The following ZNF534 variants were observed in gnomAD, a reference collection of about 807,000 sequenced individuals.
The protein encoded by ZNF534 is KRAB domain only 3.
Under a neutral mutation model 13.6 loss-of-function variants are expected in ZNF534, and 19 were observed. That is an observed-to-expected ratio of 1.40 (90% CI 0.97 to 2.05). The LOEUF (loss-of-function observed/expected upper bound fraction) is 2.05, where lower values mean the gene tolerates loss of function less well. Among genes scored for constraint, ZNF534 ranks in the 30% most tolerant of loss-of-function variants. ZNF534 has a pLI of 0.00. For synonymous variants in ZNF534, 244 were observed against 273.8 expected, an observed-to-expected ratio of 0.89 and a Z score of 1.07; for missense variants, 782 against 796.3, an observed-to-expected ratio of 0.98 and a Z score of 0.22.
chr19:52,436,228 G>A (rs879824734), intron 4 of ZNF534, among the ~76,000 whole-genome samples: 1 of 152,016 alleles, frequency 6.6e-6, no homozygotes. Flanking sequence ...ATGAGTCACC[G>A]TGCCCGGCCC....
In ZNF534 at chr19:52,437,789, G is replaced by A. The variant is rs776877897; in HGVS notation, c.329G>A (p.Gly110Glu). 4.3e-6 allele frequency: 7 copies of A among 1,609,620 alleles called. No individual in the cohort carries two copies. The highest frequency in any genetic ancestry group is 5.9e-6 in the Non-Finnish European group (7 of 1,177,434). The change falls in exon 5 of 5, where the codon GGA (glycine) becomes GAA (glutamate). Residue 110 changes from glycine to glutamate, a missense_variant. Gly to Glu is a moderately conservative substitution (Grantham distance 98, BLOSUM62 -2). This residue lies in a region of ZNF534 where 591 missense variants were observed against 574.0 expected (regional missense o/e 1.03). Coordinates refer to ENST00000433050, the MANE Select transcript of ZNF534 (RefSeq NM_001143938.3). ...AGNKSLKNQH[G>E]LTLQLHLTEW... ...AACAAGTCACTTAAAAATCAACATG[G>A]ATTAACTCTTCAGTTACATCTGACT...
rs762406765 is a variant in ZNF534, at chr19:52,438,468, G to C, written c.1008G>C (p.Arg336Ser). The change falls in exon 5 of 5, where the codon AGG becomes AGC. Residue 336 changes from arginine (R) to serine (S), a missense_variant. Transcript: ENST00000433050. ...YDCKECGKVF[R>S]HKSSLTTHQT... The stretch of plus-strand genomic sequence containing the variant: ...GTAAGGAATGTGGCAAGGTCTTCAG[G>C]CATAAGTCTTCCCTAACCACTCATC... 3 of 1,599,716 alleles carry C rather than the reference G, an allele frequency of 1.9e-6. No homozygotes were observed. In the African/African-American group the frequency reaches 4.0e-5, roughly 22 times the overall value.
exon 5 of ZNF534, chr19:52,451,722 CTT>C: frequency 5.9e-6 from 4 of 681,676 alleles, no homozygotes; most frequent in Non-Finnish European, 1.1e-5. Context: ...CTGCAAAACA[CTT>C]TGTTGATGTA....
At chr19:52,437,395 G>C (rs955656563) in intron 4 of ZNF534, among the ~76,000 whole-genome samples, 1 of 152,100 alleles carries the variant, frequency 6.6e-6, no homozygotes, top group African/African-American at 2.4e-5. Context: ...GAGGCAGGTG[G>C]ATCACAAGGT....
rs1380108751 is a variant in ZNF534 at position 52,439,114 on chromosome 19, T to C, written c.1654T>C (p.Cys552Arg). The C allele has an allele frequency of 1.9e-6, 3 of 1,595,516 alleles. No homozygotes were observed. The highest frequency in any genetic ancestry group is 2.2e-5 in the South Asian group (2 of 89,376). Residue 552 changes from cysteine (C) to arginine (R), a missense_variant, in exon 5 of 5, where the codon TGT (cysteine) becomes CGT (arginine). Around this residue, in one of 5 missense-constraint regions of ZNF534, gnomAD observed 591 missense variants for 574.0 expected, o/e 1.03. Transcript: ENST00000433050. ...NVHTGEKPYS[C>R]NECGKVFSRN... ...TCATACTGGAGAAAAGCCTTACAGT[T>C]GTAATGAATGTGGCAAGGTCTTCAG...
chr19:52,438,554 GA>G lies in ZNF534; in HGVS notation c.1096del (p.Ile366LeufsTer65). 1 of 1,579,246 alleles carries G rather than the reference GA, an allele frequency of 6.3e-7. No homozygotes were observed. Among genetic ancestry groups the G allele is most frequent in the Non-Finnish European group, 8.6e-7 (1 of 1,162,184 alleles). On this transcript the variant is annotated frameshift_variant, in exon 5 of 5. Transcript: ENST00000433050. LOFTEE classifies it low-confidence loss of function (END_TRUNC). ...KCNECGKGFS[R>X]IAFLARHRKV... ...AATGAATGTGGCAAGGGGTTTAGTC[GA>G]ATTGCATTCCTTGCAAGGCATCGGA...
In ZNF534 at chr19:52,439,587, CAAAAAAAAAA is replaced by C. The variant is rs75248649; in HGVS notation, c.*154_*163del. 2.6e-3 allele frequency: 1,293 copies of C among 496,876 alleles called. No homozygotes were observed. Among genetic ancestry groups the C allele is most frequent in the South Asian group, 4.4e-3 (100 of 22,848 alleles). 30.8% of individuals were successfully genotyped at this position (496,876 alleles called of 1,614,324 possible). A position where few individuals can be genotyped will look rare whatever the true frequency, so the allele number is the denominator to read the frequency against. On this transcript the variant is annotated 3_prime_UTR_variant, in exon 5 of 5. Coordinates refer to ENST00000433050, the MANE Select transcript of ZNF534 (RefSeq NM_001143938.3). ...TGAAACCCCATCTCTACTAAAAATA[CAAAAAAAAAA>C]AAAAAAAAAAAATTAGCTGGGTGTG... is the stretch of plus-strand genomic sequence containing the variant.
chr19:52,434,730 C>CAAAAA (rs772851558), intron 3 of ZNF534, among the ~76,000 whole-genome samples: 1 of 69,988 alleles, frequency 1.4e-5, no homozygotes. Context: ...GACTCTGTCT[C>CAAAAA]AAAAAAAAAA....
intron 1 of ZNF534, 124 bp from the exon 2 acceptor site, chr19:52,431,284 G>A (rs1385847612): frequency 4.3e-6 from 3 of 702,782 alleles, no homozygotes; most frequent in South Asian, 1.9e-5. Flanking sequence ...TCCTGTGGGA[G>A]ATCAACAGTA....
chr19:52,431,283 A>T, intron 1 of ZNF534, 125 bp from the exon 2 acceptor site: 1 of 694,236 alleles, frequency 1.4e-6, no homozygotes, highest in Non-Finnish European at 2.4e-6. Context: ...TTCCTGTGGG[A>T]GATCAACAGT....
rs745745012 is a variant in ZNF534 at position 52,439,157 on chromosome 19, CG to C, written c.1698del (p.Arg567AspfsTer65). ...GKVFSRNSHL[A>X]RHRNIHTGEK... Reference sequence around the variant, plus strand: ...GTCTTCAGTCGGAATTCACACCTTGCGCGACATAGGAATATTCATACTGGAG... The same window carrying C: ...GTCTTCAGTCGGAATTCACACCTTGCCGACATAGGAATATTCATACTGGAG... On this transcript the variant is annotated frameshift_variant, in exon 5 of 5. Transcript: ENST00000433050. LOFTEE classifies it low-confidence loss of function (END_TRUNC). The C allele has an allele frequency of 1.4e-5, 22 of 1,587,028 alleles. No homozygotes were observed. Among genetic ancestry groups the C allele is most frequent in the Non-Finnish European group, 1.8e-5 (21 of 1,167,728 alleles).
chr19:52,434,086 G>A lies in ZNF534; in HGVS notation c.142+5G>A, dbSNP rs17780173. On this transcript the variant is annotated splice_donor_5th_base_variant and intron_variant, in intron 3 of 4. Transcript: ENST00000433050. ...ACAGGAACCTGGTCTCCCTAGGTGA[G>A]GATAATGTCCGTCCAGAAGCCTGCA... The A allele has an allele frequency of 0.13, 215,245 of 1,612,106 alleles. 20,261 individuals are homozygous for A. Among genetic ancestry groups the A allele is most frequent in the East Asian group, 0.49 (21,836 of 44,834 alleles).
chr19:52,447,729 C>G (rs957305183), intron 4 of ZNF534, among the ~76,000 whole-genome samples: 2 of 152,076 alleles, frequency 1.3e-5, no homozygotes, highest in Admixed American at 1.3e-4. Context: ...AGACAGAACA[C>G]TGATTGAATT....
chr19:52,451,904 A>C, exon 5 of ZNF534: 1 of 573,306 alleles, frequency 1.7e-6, no homozygotes. Context: ...ATGACACCAA[A>C]AGGGGATCAG....
At chr19:52,434,163 CCT>C in intron 3 of ZNF534, 82 bp downstream of exon 3, 2 of 1,548,482 alleles carry the variant, frequency 1.3e-6, no homozygotes, top group Non-Finnish European at 1.7e-6. Context: ...CTCGGGAGCC[CCT>C]GCATTGCTTG....
At position 52,434,045 on chromosome 19, in the gene ZNF534, G is replaced by A. The variant is rs774037873; in HGVS notation, c.106G>A (p.Val36Met). 19 of 1,614,038 alleles carry A rather than the reference G, an allele frequency of 1.2e-5. No homozygotes were observed. In the East Asian group the frequency reaches 2.0e-4, roughly 17 times the overall value. The change falls in exon 3 of 5, where the codon GTG becomes ATG. Residue 36 changes from valine (V) to methionine (M), a missense_variant. Physicochemically the swap from Val to Met is conservative, Grantham distance 21. Coordinates refer to ENST00000433050, the MANE Select transcript of ZNF534 (RefSeq NM_001143938.3). ...DPGQKALYRD[V>M]MLENYRNLVS... Reference sequence around the variant, plus strand: ...TGGGCAGAAAGCTTTATACAGGGACGTGATGTTAGAGAACTACAGGAACCT... The same window carrying A: ...TGGGCAGAAAGCTTTATACAGGGACATGATGTTAGAGAACTACAGGAACCT...
intron 3 of ZNF534, 90 bp from the exon 4 acceptor site, chr19:52,434,991 T>G: frequency 7.0e-7 from 1 of 1,433,232 alleles, no homozygotes; most frequent in Non-Finnish European, 9.3e-7. Context: ...TATTCTTGAT[T>G]AATTTGTAAT....
At chr19:52,449,374 CTCTT>C (rs1328679116) in intron 4 of ZNF534, among the ~76,000 whole-genome samples, 1 of 151,482 alleles carries the variant, frequency 6.6e-6, no homozygotes, top group African/African-American at 2.4e-5. Flanking sequence ...CTCTCTCTCT[CTCTT>C]TCTCTCTTTC....
intron 2 of ZNF534, among the ~76,000 whole-genome samples, chr19:52,432,642 A>T (rs145443236): frequency 7.2e-4 from 109 of 151,182 alleles, no homozygotes; most frequent in African/African-American, 2.1e-3. Context: ...TTATTTATTT[A>T]TTTTTTTTGA....
Sources: allele counts gnomAD v4.1 joint callset (sites outside exome capture counted in the v4.1 genomes callset), GRCh38; gene constraint gnomAD v4.1.1; regional missense constraint gnomAD v4.1.1; transcripts MANE v1.5; gene names NCBI Gene and HGNC (gene_info 2026-07-23, HGNC 2026-07-21).